The following AP3B2 variants were observed in gnomAD, a reference collection of about 807,000 sequenced individuals.
AP3B2 encodes AP-3 complex subunit beta-2.
AP3B2 carries 50 observed loss-of-function variants against 126.9 expected under a neutral mutation model. The observed-to-expected ratio is 0.39, with a 90% CI of 0.31 to 0.50. The LOEUF is 0.50. Among genes scored for constraint, AP3B2 ranks in the 20% least tolerant of loss-of-function variants. AP3B2 has a pLI of 0.79. For synonymous variants in AP3B2, 541 were observed against 565.0 expected (o/e 0.96, Z 0.60); for missense variants, 1,177 against 1,426.4 (o/e 0.83, Z 2.82).
rs991558205 is a variant in AP3B2 at position 82,687,247 on chromosome 15, T to C, written c.360+1489A>G. On this transcript the variant is annotated intron_variant, in intron 4 of 26. Transcript: ENST00000535359. ...ATTGCCTGTTTTTTATATAGATTTA[T>C]TGGAACACGGCCACGCCCACTTGTC... 2.6e-5 allele frequency: 4 copies of C among 152,342 alleles called. No homozygotes were observed. The East Asian group carries it at 7.7e-4, about 29-fold the overall frequency. The allele number at this position is 152,342 out of a possible 1,614,324, so 9.4% of individuals were successfully genotyped here.
intron 1 of AP3B2, among the ~76,000 whole-genome samples, chr15:82,691,256 T>A (rs2048527050): frequency 6.6e-6 from 1 of 152,228 alleles, no homozygotes; most frequent in Non-Finnish European, 1.5e-5. Context: ...TTTCTCCACA[T>A]CCTCTCCAGC....
chr15:82,659,425 G>A lies in AP3B2; in HGVS notation c.*135C>T, dbSNP rs2047895895. 2.5e-6 allele frequency: 3 copies of A among 1,196,456 alleles called. No individual in the cohort carries two copies. The highest frequency in any genetic ancestry group is 3.5e-6 in the Non-Finnish European group (3 of 847,122). The allele number at this position is 1,196,456 out of a possible 1,614,324, so 74.1% of individuals were successfully genotyped here. A position where few individuals can be genotyped will look rare whatever the true frequency, so the allele number is the denominator to read the frequency against. On this transcript the variant is annotated 3_prime_UTR_variant, in exon 27 of 27. Transcript: ENST00000535359. ...TTAGGGGAGGGCTTGGTCCTCCAGA[G>A]GGAGAGAGGACACCCTGAATGCTAT...
intron 1 of AP3B2, among the ~76,000 whole-genome samples, chr15:82,695,891 A>T (rs1281991472): frequency 6.6e-6 from 1 of 152,086 alleles, no homozygotes; most frequent in Non-Finnish European, 1.5e-5. Flanking sequence ...ATTAGAGAAC[A>T]CCCAGTTAGT....
Position 82,664,365 on chromosome 15 carries a change from A to C in AP3B2, c.2261+2T>G. 1 of 1,613,192 alleles carries C rather than the reference A, an allele frequency of 6.2e-7. No individual in the cohort carries two copies. Among genetic ancestry groups the C allele is most frequent in the Non-Finnish European group, 8.5e-7 (1 of 1,179,678 alleles). On this transcript the variant is annotated splice_donor_variant, in intron 19 of 26. Transcript: ENST00000535359. LOFTEE classifies it high-confidence loss of function. The surrounding 1 kb of genome is among the most constrained non-coding windows in gnomAD (Gnocchi z 4.5). ...CAGCCATCTGGCTAGCTCCCTTCTCACCTCTCACTGCCTCTCCCTTTCTCC... is the reference window on the plus strand; with the variant it reads ...CAGCCATCTGGCTAGCTCCCTTCTCCCCTCTCACTGCCTCTCCCTTTCTCC...
At chr15:82,696,314 A>T (rs1237791033) in intron 1 of AP3B2, among the ~76,000 whole-genome samples, 1 of 152,190 alleles carries the variant, frequency 6.6e-6, no homozygotes, top group African/African-American at 2.4e-5. Context: ...GTGGTGGCTC[A>T]CGCTTGTAAT....
intron 1 of AP3B2, among the ~76,000 whole-genome samples, chr15:82,694,357 A>T (rs1443138164): frequency 6.6e-6 from 1 of 151,900 alleles, no homozygotes; most frequent in Non-Finnish European, 1.5e-5. Flanking sequence ...TGAGAAAAAT[A>T]AGGCAACTAT....
At chr15:82,706,776 T>C (rs2048802740) in intron 1 of AP3B2, among the ~76,000 whole-genome samples, 1 of 152,212 alleles carries the variant, frequency 6.6e-6, no homozygotes. Context: ...GCCGCTAGCC[T>C]GCCTCTTAGA....
Position 82,663,180 on chromosome 15 carries a change from G to GACT in AP3B2, c.2548_2550dup (p.Ser850dup). On this transcript the variant is annotated inframe_insertion, in exon 22 of 27. Coordinates refer to ENST00000535359, the MANE Select transcript of AP3B2 (RefSeq NM_001278512.2). ...GTCAGGCCCTCCAGGTCAGCAGCCA[G>GACT]ACTGGTAGACACAATTGCTGGGGGA... The GACT allele has an allele frequency of 6.2e-7, 1 of 1,613,038 alleles. No individual in the cohort carries two copies. Among genetic ancestry groups the GACT allele is most frequent in the Non-Finnish European group, 8.5e-7 (1 of 1,179,764 alleles).
chr15:82,687,998 G>T (rs902865208), intron 4 of AP3B2: 23 of 158,210 alleles, frequency 1.5e-4, no homozygotes, highest in African/African-American at 5.5e-4. Context: ...AGCTACTCAG[G>T]AGACAGAGGT....
At chr15:82,698,021 T>A (rs1409076241) in intron 1 of AP3B2, 1 of 152,678 alleles carries the variant, frequency 6.5e-6, no homozygotes, top group Non-Finnish European at 1.5e-5. Flanking sequence ...CCCTGAGATA[T>A]GAATGCACAA....
chr15:82,675,303 A>G (rs1379482544), intron 14 of AP3B2, among the ~76,000 whole-genome samples: 2 of 152,192 alleles, frequency 1.3e-5, no homozygotes, highest in Non-Finnish European at 2.9e-5. Flanking sequence ...TTAATTATAC[A>G]GACTCAGTTG....
At chr15:82,699,773 C>T (rs950789428) in intron 1 of AP3B2, 7 of 399,186 alleles carry the variant, frequency 1.8e-5, no homozygotes, top group African/African-American at 1.2e-4. Context: ...GGGGGCCCAC[C>T]TTCGGGAGCC....
In AP3B2 at chr15:82,663,833, GCTC is replaced by G; in HGVS notation, c.2401_2403del (p.Glu801del). ...CTGCTCCAGGAGGCAGGTTCTAACT[GCTC>G]CTCCTCGGACTCCGATGTCATCTCG... is the stretch of plus-strand genomic sequence containing the variant. On this transcript the variant is annotated inframe_deletion, in exon 20 of 27. Coordinates refer to ENST00000535359, the MANE Select transcript of AP3B2 (RefSeq NM_001278512.2). 1 of 1,613,824 alleles carries G rather than the reference GCTC, an allele frequency of 6.2e-7. No homozygotes were observed. Among genetic ancestry groups the G allele is most frequent in the Non-Finnish European group, 8.5e-7 (1 of 1,179,816 alleles).
rs1323531667 is a variant in AP3B2, at chr15:82,680,572, C to G, written c.955G>C (p.Ala319Pro). 1 of 1,584,262 alleles carries G rather than the reference C, an allele frequency of 6.3e-7. No homozygotes were observed. The highest frequency in any genetic ancestry group is 8.5e-7 in the Non-Finnish European group (1 of 1,172,382). ...TKPLLQSRSA[A>P]VVMAVAQLYF... ...AGCTGCGCCACCGCCATCACCACCG[C>G]GGCGCTGCGGCTCTGCAGCAGGGGT... Residue 319 changes from alanine to proline, a missense_variant, in exon 8 of 27, where the codon GCG (alanine) becomes CCG (proline). Around this residue, in one of 5 missense-constraint regions of AP3B2, gnomAD observed 308 missense variants for 452.4 expected, o/e 0.68. Transcript: ENST00000535359. The surrounding 1 kb of genome is among the most constrained non-coding windows in gnomAD (Gnocchi z 6.1).
In AP3B2 at chr15:82,680,457, G is replaced by GT; in HGVS notation, c.1055+14_1055+15insA. ...AGGAGGCGAGGGAGGGGGCGGGGCT[G>GT]GGGGCGGAGCGCACCTGTGGCTGCG... On this transcript the variant is annotated intron_variant, in intron 8 of 26. Coordinates refer to ENST00000535359, the MANE Select transcript of AP3B2 (RefSeq NM_001278512.2). This position sits in a 1 kb window ranked among gnomAD's most constrained non-coding sequence, Gnocchi z 6.1. 6.8e-7 allele frequency: 1 copy of GT among 1,472,990 alleles called. No homozygotes were observed. The highest frequency in any genetic ancestry group is 9.0e-7 in the Non-Finnish European group (1 of 1,114,926). 91.2% of individuals were successfully genotyped at this position (1,472,990 alleles called of 1,614,324 possible). A position where few individuals can be genotyped will look rare whatever the true frequency, so the allele number is the denominator to read the frequency against.
At chr15:82,673,039 G>A (rs1403853936) in intron 14 of AP3B2, among the ~76,000 whole-genome samples, 2 of 152,158 alleles carry the variant, frequency 1.3e-5, no homozygotes, top group Non-Finnish European at 2.9e-5. Flanking sequence ...CACCTCAGTT[G>A]TAGCCTTGCA....
intron 14 of AP3B2, among the ~76,000 whole-genome samples, chr15:82,671,741 C>CAAA (rs33972329): frequency 0.2 from 28,904 of 142,148 alleles, 3,451 homozygotes; most frequent in South Asian, 0.35. Context: ...AACACCATCT[C>CAAA]AAAAAAAAAC....
Position 82,674,894 on chromosome 15 carries a change from TGGG to T in AP3B2, c.1665+1564_1665+1566del, listed in dbSNP as rs1255341979. The stretch of plus-strand genomic sequence containing the variant: ...GCACATGTAGCTCACAGTGACAACT[TGGG>T]GGAAATGACATGTGGACAGGCCCAG... On this transcript the variant is annotated intron_variant, in intron 14 of 26. Transcript: ENST00000535359. Among the ~76,000 whole-genome samples, 3 of 151,230 alleles carry T rather than the reference TGGG, an allele frequency of 2.0e-5. No individual in the cohort carries two copies. The South Asian group carries it at 6.3e-4, about 32-fold the overall frequency.
intron 14 of AP3B2, among the ~76,000 whole-genome samples, chr15:82,668,726 A>G (rs1161707338): frequency 6.6e-6 from 1 of 152,066 alleles, no homozygotes; most frequent in East Asian, 1.9e-4. Context: ...TCCTGTGTGC[A>G]CCACCAAGAC....
Sources: allele counts gnomAD v4.1 joint callset (sites outside exome capture counted in the v4.1 genomes callset), GRCh38; gene constraint gnomAD v4.1.1; regional missense constraint gnomAD v4.1.1; non-coding constraint Gnocchi (gnomAD v3.1); transcripts MANE v1.5; gene names NCBI Gene and HGNC (gene_info 2026-07-23, HGNC 2026-07-21).